Variants in ATXN10 observed in about 807,000 individuals in gnomAD.
ATXN10 encodes the protein ataxin-10.
A neutral mutation model predicts 52.9 loss-of-function variants in ATXN10; 28 were observed. The ratio of observed to expected loss-of-function variants is 0.53; its 90% CI spans 0.39 to 0.73. ATXN10 has a LOEUF of 0.73. Among genes scored for constraint, ATXN10 ranks in the 30% least tolerant of loss-of-function variants. The probability of loss-of-function intolerance (pLI) is 0.00; values close to 1 mark genes in which losing one functional copy is unlikely to be tolerated. For synonymous variants in ATXN10, 226 were observed against 221.5 expected (o/e 1.02, Z -0.18); for missense variants, 565 against 577.0 (o/e 0.98, Z 0.21).
rs919315787 is a variant in ATXN10, at chr22:45,833,428, A to G, written c.1238-9563A>G. Among the ~76,000 whole-genome samples, 2 of 152,218 alleles carry G rather than the reference A, an allele frequency of 1.3e-5. No homozygotes were observed. Among genetic ancestry groups the G allele is most frequent in the African/African-American group, 2.4e-5 (1 of 41,454 alleles). ...GCCTGCTGGGTCTTGTCTGTTCTAA[A>G]TCGCCAGAAGCTCCACCCTGTTCAT... is the stretch of plus-strand genomic sequence containing the variant. On this transcript the variant is annotated intron_variant, in intron 10 of 11. Coordinates refer to ENST00000252934, the MANE Select transcript of ATXN10 (RefSeq NM_013236.4). The surrounding 1 kb of genome is among the most constrained non-coding windows in gnomAD (Gnocchi z 4.3).
chr22:45,843,747 C>A lies in ATXN10; in HGVS notation c.*76C>A. 7.0e-7 allele frequency: 1 copy of A among 1,419,754 alleles called. No individual in the cohort carries two copies. The highest frequency in any genetic ancestry group is 9.9e-7 in the Non-Finnish European group (1 of 1,011,130). The allele number at this position is 1,419,754 out of a possible 1,614,324, so 87.9% of individuals were successfully genotyped here. A position where few individuals can be genotyped will look rare whatever the true frequency, so the allele number is the denominator to read the frequency against. On this transcript the variant is annotated 3_prime_UTR_variant, in exon 12 of 12. Coordinates refer to ENST00000252934, the MANE Select transcript of ATXN10 (RefSeq NM_013236.4). The surrounding 1 kb of genome is among the most constrained non-coding windows in gnomAD (Gnocchi z 4.5). ...TCATCTTCTACCGTATGTGAAATTG[C>A]AAGTGTTTGAAGATTTATAAGTACA...
intron 9 of ATXN10, among the ~76,000 whole-genome samples, chr22:45,756,439 C>T (rs184181061): frequency 1.3e-5 from 2 of 151,612 alleles, no homozygotes; most frequent in East Asian, 2.0e-4. Flanking sequence ...CCACCACACT[C>T]GGCCCCAGAC....
intron 7 of ATXN10, among the ~76,000 whole-genome samples, chr22:45,735,502 G>A (rs1208895899): frequency 6.6e-6 from 1 of 151,960 alleles, no homozygotes; most frequent in African/African-American, 2.4e-5. Context: ...GTTAACAACT[G>A]GAGAAGGGAG....
In ATXN10 at chr22:45,742,023, G is replaced by T. The variant is rs529862277; in HGVS notation, c.1173+1485G>T. On this transcript the variant is annotated intron_variant, in intron 9 of 11. Transcript: ENST00000252934. The stretch of plus-strand genomic sequence containing the variant: ...GTAGAAAACAGACCCCAAACTCTGG[G>T]TGTCAGCTACCTAAATCTCTGCTAA... Among the ~76,000 whole-genome samples, 3 of 152,258 alleles carry T rather than the reference G, an allele frequency of 2.0e-5. No homozygotes were observed. The South Asian group carries it at 6.2e-4, about 32-fold the overall frequency.
chr22:45,720,528 G>A lies in ATXN10; in HGVS notation c.728+2035G>A, dbSNP rs181147264. On this transcript the variant is annotated intron_variant, in intron 6 of 11. Coordinates refer to ENST00000252934, the MANE Select transcript of ATXN10 (RefSeq NM_013236.4). Reference sequence around the variant, plus strand: ...CCATTGTAACCATTTTTTAATGTACGGTTCAGGGGGTGTGAAGGATGTTCA... The same window carrying A: ...CCATTGTAACCATTTTTTAATGTACAGTTCAGGGGGTGTGAAGGATGTTCA... 8.5e-4 allele frequency among the ~76,000 whole-genome samples: 130 copies of A among 152,162 alleles called. 1 individual carries two copies. Among genetic ancestry groups the A allele is most frequent in the African/African-American group, 2.9e-3 (121 of 41,490 alleles).
rs1358102842 is a variant in ATXN10, at chr22:45,835,419, T to A, written c.1238-7572T>A. On this transcript the variant is annotated intron_variant, in intron 10 of 11. Transcript: ENST00000252934. This position sits in a 1 kb window ranked among gnomAD's most constrained non-coding sequence, Gnocchi z 5.0. ...GTGTGAGCCTTGTACAGAGAGAGGT[T>A]TCAGGCTTCAGAGAGGAGGCCTGTG... Among the ~76,000 whole-genome samples the A allele has an allele frequency of 6.6e-6, 1 of 152,188 alleles. No homozygotes were observed. The highest frequency in any genetic ancestry group is 1.5e-5 in the Non-Finnish European group (1 of 68,038).
In ATXN10 at chr22:45,790,319, T is replaced by C. The variant is rs1927463171; in HGVS notation, c.1174-16640T>C. On this transcript the variant is annotated intron_variant, in intron 9 of 11. Transcript: ENST00000252934. This position sits in a 1 kb window ranked among gnomAD's most constrained non-coding sequence, Gnocchi z 4.7. ...AACACCCAATACCAAACCTCTGATA[T>C]GCCTCACTTCTTAAAATTAAAAAAG... Among the ~76,000 whole-genome samples, 1 of 152,136 alleles carries C rather than the reference T, an allele frequency of 6.6e-6. No homozygotes were observed. The highest frequency in any genetic ancestry group is 6.5e-5 in the Admixed American group (1 of 15,280).
At position 45,757,248 on chromosome 22, in the gene ATXN10, GT is replaced by G. The variant is rs983845580; in HGVS notation, c.1173+16712del. 1.3e-5 allele frequency among the ~76,000 whole-genome samples: 2 copies of G among 152,170 alleles called. No homozygotes were observed. Among genetic ancestry groups the G allele is most frequent in the Non-Finnish European group, 2.9e-5 (2 of 68,034 alleles). ...CGAAGAGAGGGCGTGTCCTTTGCCTGTTGGAATTCCAACCCTGGCGACTTTC... is the reference window on the plus strand; with the variant it reads ...CGAAGAGAGGGCGTGTCCTTTGCCTGTGGAATTCCAACCCTGGCGACTTTC... On this transcript the variant is annotated intron_variant, in intron 9 of 11. Coordinates refer to ENST00000252934, the MANE Select transcript of ATXN10 (RefSeq NM_013236.4). The surrounding 1 kb of genome is among the most constrained non-coding windows in gnomAD (Gnocchi z 4.6).
At chr22:45,802,904 G>T (rs867275174) in intron 9 of ATXN10, among the ~76,000 whole-genome samples, 1 of 152,144 alleles carries the variant, frequency 6.6e-6, no homozygotes, top group Non-Finnish European at 1.5e-5. Context: ...AAAAAAACCT[G>T]GTTTTTGAAA....
chr22:45,821,363 AAAAAC>A (rs1928642732), intron 10 of ATXN10, among the ~76,000 whole-genome samples: 1 of 151,860 alleles, frequency 6.6e-6, no homozygotes, highest in Non-Finnish European at 1.5e-5. Context: ...AAAAAAAAAA[AAAAAC>A]GAACCTAGCA....
chr22:45,679,217 T>G (rs1304353897), intron 1 of ATXN10: 1 of 152,224 alleles, frequency 6.6e-6, no homozygotes, highest in South Asian at 2.1e-4. Flanking sequence ...TACCTCTGTT[T>G]TCAGTACCAA....
rs1927110325 is a variant in ATXN10 at position 45,780,484 on chromosome 22, A to C, written c.1174-26475A>C. On this transcript the variant is annotated intron_variant, in intron 9 of 11. Transcript: ENST00000252934. The surrounding 1 kb of genome is among the most constrained non-coding windows in gnomAD (Gnocchi z 4.0). ...AGGAGGTCTGGCTCTGGAGTCAGGC[A>C]GACCTAGGTTCAACCCTGGCCCTGC... Among the ~76,000 whole-genome samples, 1 of 152,170 alleles carries C rather than the reference A, an allele frequency of 6.6e-6. No individual in the cohort carries two copies. The highest frequency in any genetic ancestry group is 6.5e-5 in the Admixed American group (1 of 15,274).
In ATXN10 at chr22:45,678,056, G is replaced by C. The variant is rs1922772172; in HGVS notation, c.116+5877G>C. The C allele has an allele frequency of 1.3e-5, 2 of 152,106 alleles. No individual in the cohort carries two copies. The highest frequency in any genetic ancestry group is 4.8e-5 in the African/African-American group (2 of 41,432). 9.4% of individuals were successfully genotyped at this position (152,106 alleles called of 1,614,324 possible). A position where few individuals can be genotyped will look rare whatever the true frequency, so the allele number is the denominator to read the frequency against. ...TTGTAGAGACAGAAAGTAGATTAGA[G>C]GTTACTAGGATTTGGAGAGAGGGGA... On this transcript the variant is annotated intron_variant, in intron 1 of 11. Transcript: ENST00000252934. This position sits in a 1 kb window ranked among gnomAD's most constrained non-coding sequence, Gnocchi z 4.1.
In ATXN10 at chr22:45,763,073, G is replaced by A. The variant is rs1366069605; in HGVS notation, c.1173+22535G>A. ...AAGAACTGCGTGGTCCCTTTTCCTG[G>A]AGTAGGAGGCTGTGGCTACAGCATT... On this transcript the variant is annotated intron_variant, in intron 9 of 11. Transcript: ENST00000252934. The surrounding 1 kb of genome is among the most constrained non-coding windows in gnomAD (Gnocchi z 6.9). Among the ~76,000 whole-genome samples, 1 of 152,210 alleles carries A rather than the reference G, an allele frequency of 6.6e-6. No individual in the cohort carries two copies.
chr22:45,782,722 G>A (rs1347353840), intron 9 of ATXN10, among the ~76,000 whole-genome samples: 1 of 152,156 alleles, frequency 6.6e-6, no homozygotes, highest in Non-Finnish European at 1.5e-5. Flanking sequence ...TTGTATAAGC[G>A]ATACACGTAA....
rs1926725352 is a variant in ATXN10, at chr22:45,770,130, G to T, written c.1173+29592G>T. Among the ~76,000 whole-genome samples, 1 of 152,164 alleles carries T rather than the reference G, an allele frequency of 6.6e-6. No individual in the cohort carries two copies. Among genetic ancestry groups the T allele is most frequent in the Non-Finnish European group, 1.5e-5 (1 of 68,022 alleles). On this transcript the variant is annotated intron_variant, in intron 9 of 11. Transcript: ENST00000252934. This position sits in a 1 kb window ranked among gnomAD's most constrained non-coding sequence, Gnocchi z 4.5. ...CTTTCTGTATGCCATTTACCTAGGAGAGGTGTTACTCCTGTCTTACACATG... is the reference window on the plus strand; with the variant it reads ...CTTTCTGTATGCCATTTACCTAGGATAGGTGTTACTCCTGTCTTACACATG...
chr22:45,826,233 CA>C lies in ATXN10; in HGVS notation c.1238-16756del, dbSNP rs888533359. Among the ~76,000 whole-genome samples, 75 of 151,998 alleles carry C rather than the reference CA, an allele frequency of 4.9e-4. No individual in the cohort carries two copies. The highest frequency in any genetic ancestry group is 1.7e-3 in the African/African-American group (72 of 41,468). On this transcript the variant is annotated intron_variant, in intron 10 of 11. Transcript: ENST00000252934. The surrounding 1 kb of genome is among the most constrained non-coding windows in gnomAD (Gnocchi z 5.0). ...TTGAGCAGGGAGAAGGAAGCTAGGA[CA>C]ATGGAAAATATTAAGTCCAACAAGC...
intron 9 of ATXN10, among the ~76,000 whole-genome samples, chr22:45,767,953 A>G (rs958539036): frequency 6.6e-6 from 1 of 152,194 alleles, no homozygotes; most frequent in African/African-American, 2.4e-5. Flanking sequence ...ACTTTATTTT[A>G]GAATAGAGAA....
intron 10 of ATXN10, among the ~76,000 whole-genome samples, chr22:45,813,474 A>T (rs1476960111): frequency 2.9e-5 from 4 of 137,226 alleles, no homozygotes; most frequent in Admixed American, 2.3e-4. Context: ...TTTTTAATGG[A>T]AACACCTAAT....
Sources: allele counts gnomAD v4.1 joint callset (sites outside exome capture counted in the v4.1 genomes callset), GRCh38; gene constraint gnomAD v4.1.1; non-coding constraint Gnocchi (gnomAD v3.1); transcripts MANE v1.5; gene names NCBI Gene and HGNC (gene_info 2026-07-23, HGNC 2026-07-21).